The following RPL17 variants were observed in gnomAD, a reference collection of about 807,000 sequenced individuals.
The protein encoded by RPL17 is large ribosomal subunit protein uL22.
Under a neutral mutation model 27.7 loss-of-function variants are expected in RPL17, and 2 were observed. The observed-to-expected ratio is 0.07, with a 90% CI of 0.03 to 0.23. The LOEUF is 0.23. Among genes scored for constraint, RPL17 ranks in the 10% least tolerant of loss-of-function variants. The pLI is 1.00. For missense variants in RPL17, 141 were observed against 238.8 expected, an observed-to-expected ratio of 0.59 and a Z score of 2.70; for synonymous variants, 76 against 75.5, an observed-to-expected ratio of 1.01 and a Z score of -0.03.
At position 49,488,925 on chromosome 18, in the gene RPL17, G is replaced by C. The variant is rs576983997; in HGVS notation, c.508-359C>G. 2.0e-3 allele frequency among the ~76,000 whole-genome samples: 299 copies of C among 150,016 alleles called. 1 individual carries two copies. Among genetic ancestry groups the C allele is most frequent in the Non-Finnish European group, 3.2e-3 (216 of 67,744 alleles). On this transcript the variant is annotated intron_variant, in intron 6 of 6. Transcript: ENST00000580261. ...CCAGTTTTTTTTTTTTTGAGACAGC[G>C]TCTCGCTCTGTCACCCAGGCTGGAG...
rs200887597 is a variant in RPL17, at chr18:49,490,827, C to T, written c.182G>A (p.Arg61Gln). 729 of 1,613,120 alleles carry T rather than the reference C, an allele frequency of 4.5e-4. 5 individuals are homozygous for T. Among genetic ancestry groups the T allele is most frequent in the Non-Finnish European group, 1.0e-4 (121 of 1,179,904 alleles). The change falls in exon 4 of 7, where the codon CGA becomes CAA. Residue 61 changes from arginine to glutamine, a missense_variant. Arg to Gln is a conservative substitution (Grantham distance 43). Transcript: ENST00000580261. Reference sequence around the variant, plus strand: ...CCTGCCAACTCCACCATTGTAACGTCGGAATGGTACACACTGTTTCTGTAA... The same window carrying T: ...CCTGCCAACTCCACCATTGTAACGTTGGAATGGTACACACTGTTTCTGTAA... ...VTLQKQCVPF[R>Q]RYNGGVGRCA...
chr18:49,490,615 G>GA, intron 4 of RPL17, 63 bp from the exon 5 acceptor site: 1 of 1,607,354 alleles, frequency 6.2e-7, no homozygotes. Flanking sequence ...CAGCCAAGAT[G>GA]AATTTATCTG....
At chr18:49,489,706 AT>A (rs963871721) in intron 5 of RPL17, among the ~76,000 whole-genome samples, 156 bp from the exon 6 acceptor site, 2 of 152,180 alleles carry the variant, frequency 1.3e-5, no homozygotes, top group Non-Finnish European at 2.9e-5. Flanking sequence ...TGCAAATAGC[AT>A]TTTTTTAACC....
intron 5 of RPL17, chr18:49,490,170 G>A (rs2083951690): frequency 2.9e-6 from 1 of 349,302 alleles, no homozygotes; most frequent in Non-Finnish European, 5.3e-6. Flanking sequence ...AAAAGCCCCT[G>A]GTAAAGTACC....
In RPL17 at chr18:49,489,236, G is replaced by A; in HGVS notation, c.507+123C>T. On this transcript the variant is annotated intron_variant, in intron 6 of 6. Transcript: ENST00000580261. Reference sequence around the variant, plus strand: ...AACTTACAAAAGCCAAAATAAGACAGGTGAAAGGGTTGCTCAGAATAGTTT... The same window carrying A: ...AACTTACAAAAGCCAAAATAAGACAAGTGAAAGGGTTGCTCAGAATAGTTT... 5 of 1,033,320 alleles carry A rather than the reference G, an allele frequency of 4.8e-6. No individual in the cohort carries two copies. The South Asian group carries it at 6.3e-5, about 13-fold the overall frequency. The allele number at this position is 1,033,320 out of a possible 1,614,324, so 64.0% of individuals were successfully genotyped here.
intron 6 of RPL17, chr18:49,489,141 TCCACCCACC>T (rs2148816737): frequency 2.2e-6 from 1 of 461,646 alleles, no homozygotes; most frequent in Non-Finnish European, 4.0e-6. Context: ...GACCTTGTGA[TCCACCCACC>T]TCAGCCTCCC....
chr18:49,490,404 A>G (rs745668513), intron 5 of RPL17, 50 bp downstream of exon 5: 1 of 1,588,740 alleles, frequency 6.3e-7, no homozygotes, highest in Non-Finnish European at 8.6e-7. Context: ...AACAGCCAAC[A>G]TTAATTAAAC....
intron 6 of RPL17, 113 bp downstream of exon 6, chr18:49,489,246 T>C (rs1474123606): frequency 7.0e-6 from 8 of 1,147,248 alleles, no homozygotes; most frequent in South Asian, 3.1e-5. Context: ...GGTGAAAGGG[T>C]TGCTCAGAAT....
chr18:49,488,998 A>G (rs1362803412), intron 6 of RPL17, among the ~76,000 whole-genome samples: 1 of 151,506 alleles, frequency 6.6e-6, no homozygotes. Flanking sequence ...TCCCGGGTTC[A>G]TGCCATTCTC....
chr18:49,490,657 C>T, intron 4 of RPL17, 105 bp from the exon 5 acceptor site: 2 of 1,586,530 alleles, frequency 1.3e-6, no homozygotes, highest in South Asian at 1.1e-5. Context: ...TGGTTTATTT[C>T]ACCATCAATC....
chr18:49,491,764 T>A (rs761052135), intron 1 of RPL17, 180 bp from the exon 2 acceptor site: 1 of 841,500 alleles, frequency 1.2e-6, no homozygotes, highest in South Asian at 1.3e-5. Flanking sequence ...TGCTTTCCCT[T>A]TTATCTTCCA....
chr18:49,491,618 G>T, intron 1 of RPL17, 34 bp from the exon 2 acceptor site: 1 of 1,606,718 alleles, frequency 6.2e-7, no homozygotes, highest in Non-Finnish European at 8.5e-7. Flanking sequence ...CTGTCAATAC[G>T]TACTTACAGT....
At chr18:49,489,295 A>G (rs538982136) in intron 6 of RPL17, 64 bp downstream of exon 6, 1 of 1,550,864 alleles carries the variant, frequency 6.4e-7, no homozygotes, top group Admixed American at 1.7e-5. Flanking sequence ...GTCCTAAGAT[A>G]GTCATCACAG....
rs867740062 is a variant in RPL17, at chr18:49,492,447, G to T, written c.-14+11C>A. 4.6e-5 allele frequency: 7 copies of T among 152,394 alleles called. No homozygotes were observed. The highest frequency in any genetic ancestry group is 4.6e-4 in the Admixed American group (7 of 15,288). 9.4% of individuals were successfully genotyped at this position (152,394 alleles called of 1,614,324 possible). On this transcript the variant is annotated intron_variant, in intron 1 of 6. Transcript: ENST00000580261. ...ATTGGGCCCTCGGAGCAACGCAGGA[G>T]AAACACTCACCTCAGGCTGCTTAGG...
intron 3 of RPL17, 129 bp downstream of exon 3, chr18:49,491,276 T>A: frequency 7.2e-7 from 1 of 1,397,436 alleles, no homozygotes; most frequent in East Asian, 2.3e-5. Context: ...TGCCTAAATA[T>A]AAGGTGGCTG....
chr18:49,490,702 G>A, intron 4 of RPL17, 91 bp downstream of exon 4: 8 of 1,596,648 alleles, frequency 5.0e-6, no homozygotes, highest in Non-Finnish European at 6.9e-6. Flanking sequence ...CCAGAAATAG[G>A]TTCATCAGCA....
chr18:49,491,722 C>T lies in RPL17; in HGVS notation c.-13-138G>A, dbSNP rs1188210347. On this transcript the variant is annotated intron_variant, in intron 1 of 6. Transcript: ENST00000580261. ...CCAAAGGTGTCCTAAGAAATGCCAT[C>T]ATCGCAGCCATACTTTCCCCCACCA... 2.7e-6 allele frequency: 3 copies of T among 1,101,460 alleles called. No homozygotes were observed. The African/African-American group carries it at 4.6e-5, about 17-fold the overall frequency. The allele number at this position is 1,101,460 out of a possible 1,614,324, so 68.2% of individuals were successfully genotyped here.
At chr18:49,491,246 C>T (rs762676933) in intron 3 of RPL17, 159 bp downstream of exon 3, 6 of 1,203,856 alleles carry the variant, frequency 5.0e-6, no homozygotes, top group Non-Finnish European at 7.4e-6. Flanking sequence ...AACGCTACAT[C>T]CTTACACCCT....
At chr18:49,491,330 A>C (rs544805962) in intron 3 of RPL17, 75 bp downstream of exon 3, 1 of 1,607,212 alleles carries the variant, frequency 6.2e-7, no homozygotes, top group East Asian at 2.2e-5. Context: ...AGGTGTCCTA[A>C]GAAAGTCATC....
Sources: gnomAD v4.1 joint callset for allele counts (sites outside exome capture counted in the v4.1 genomes callset) on GRCh38, gnomAD v4.1.1 for gene constraint, MANE v1.5 for transcripts, NCBI Gene and HGNC (gene_info 2026-07-23, HGNC 2026-07-21) for gene names.